Variants in CNTNAP2 observed in about 807,000 individuals in gnomAD.
CNTNAP2 encodes contactin associated protein 2.
In CNTNAP2, 98 loss-of-function variants were observed where a neutral mutation model predicts 155.2. The ratio of observed to expected loss-of-function variants is 0.63; its 90% confidence interval spans 0.54 to 0.75. The LOEUF (loss-of-function observed/expected upper bound fraction) is 0.75. CNTNAP2 is among the 30% of genes least tolerant of loss of function. CNTNAP2 has a pLI of 0.00. For synonymous variants in CNTNAP2, 651 were observed against 631.2 expected (o/e 1.03, Z -0.47); for missense variants, 1,727 against 1,688.1 (o/e 1.02, Z -0.40).
rs920890664 is a variant in CNTNAP2 at position 147,963,207 on chromosome 7, C to T, written c.2256-14655C>T. On this transcript the variant is annotated intron_variant, in intron 14 of 23. Transcript: ENST00000361727. ...ATTTTTTTTTGTTGGTCAAATGACTCAATCCAAAAAGTAGGATACATAGTA... is the reference window on the plus strand; with the variant it reads ...ATTTTTTTTTGTTGGTCAAATGACTTAATCCAAAAAGTAGGATACATAGTA... 3.3e-5 allele frequency among the ~76,000 whole-genome samples: 5 copies of T among 151,976 alleles called. No individual in the cohort carries two copies. The East Asian group carries it at 9.7e-4, about 29-fold the overall frequency.
At chr7:148,053,837 G>A (rs1370225953) in intron 15 of CNTNAP2, among the ~76,000 whole-genome samples, 1 of 152,052 alleles carries the variant, frequency 6.6e-6, no homozygotes, top group East Asian at 1.9e-4. Flanking sequence ...AAATAATGAA[G>A]GCTAAAATAC....
At chr7:147,799,578 A>G (rs542478773) in intron 13 of CNTNAP2, among the ~76,000 whole-genome samples, 26 of 152,354 alleles carry the variant, frequency 1.7e-4, no homozygotes, top group African/African-American at 6.3e-4. Flanking sequence ...TTTCCTGTTC[A>G]GTAGTTCCAA....
chr7:147,872,916 A>G (rs949177011), intron 13 of CNTNAP2, among the ~76,000 whole-genome samples: 1 of 152,244 alleles, frequency 6.6e-6, no homozygotes, highest in Non-Finnish European at 1.5e-5. Flanking sequence ...GAATGAAAAA[A>G]TAGTTCATGT....
At chr7:146,803,752 T>C (rs1004078902) in intron 2 of CNTNAP2, among the ~76,000 whole-genome samples, 15 of 152,352 alleles carry the variant, frequency 9.8e-5, no homozygotes, top group African/African-American at 3.4e-4. Flanking sequence ...TGTCCCTGCA[T>C]GCATGATACA....
At chr7:147,042,471 T>C (rs1182048303) in intron 3 of CNTNAP2, among the ~76,000 whole-genome samples, 2 of 152,202 alleles carry the variant, frequency 1.3e-5, no homozygotes, top group African/African-American at 4.8e-5. Context: ...GGATAACAGA[T>C]CTACTACAAA....
chr7:148,023,628 G>A (rs973913555), intron 15 of CNTNAP2, among the ~76,000 whole-genome samples: 2 of 152,074 alleles, frequency 1.3e-5, no homozygotes, highest in Non-Finnish European at 2.9e-5. Flanking sequence ...AGCTGCACCA[G>A]CTTCTTGAGT....
chr7:147,198,677 C>T (rs1382762218), intron 8 of CNTNAP2, among the ~76,000 whole-genome samples: 1 of 152,124 alleles, frequency 6.6e-6, no homozygotes. Context: ...ACTCAGATGC[C>T]TCCTAATCCT....
intron 1 of CNTNAP2, among the ~76,000 whole-genome samples, chr7:146,697,477 G>A (rs1266956208): frequency 6.6e-6 from 1 of 152,158 alleles, no homozygotes; most frequent in South Asian, 2.1e-4. Flanking sequence ...GACCTCAAGT[G>A]ATCTTCCCTT....
chr7:147,227,957 A>T (rs1803585905), intron 8 of CNTNAP2, among the ~76,000 whole-genome samples: 1 of 152,168 alleles, frequency 6.6e-6, no homozygotes, highest in Non-Finnish European at 1.5e-5. Context: ...TTGCACTCTA[A>T]TATTAATCGG....
chr7:147,151,700 T>G (rs1248211241), intron 8 of CNTNAP2, among the ~76,000 whole-genome samples: 1 of 152,150 alleles, frequency 6.6e-6, no homozygotes, highest in Non-Finnish European at 1.5e-5. Context: ...AAAAAAATCA[T>G]GTACACATAA....
At chr7:148,189,617 A>T (rs1795172436) in intron 18 of CNTNAP2, among the ~76,000 whole-genome samples, 1 of 152,060 alleles carries the variant, frequency 6.6e-6, no homozygotes, top group Non-Finnish European at 1.5e-5. Flanking sequence ...CTCTCACAAG[A>T]CGACATCCCC....
At chr7:147,910,287 AAAT>A (rs1342014407) in intron 14 of CNTNAP2, among the ~76,000 whole-genome samples, 2 of 152,174 alleles carry the variant, frequency 1.3e-5, no homozygotes, top group African/African-American at 4.8e-5. Context: ...CATGTTGTTT[AAAT>A]AATAGTAGTT....
chr7:146,404,136 A>C (rs1049886737), intron 1 of CNTNAP2, among the ~76,000 whole-genome samples: 3 of 150,850 alleles, frequency 2.0e-5, no homozygotes, highest in South Asian at 2.1e-4. Context: ...AAAAAAAAAA[A>C]AAAAAACAAA....
chr7:147,559,115 T>C (rs1417645095), intron 11 of CNTNAP2, among the ~76,000 whole-genome samples: 1 of 152,146 alleles, frequency 6.6e-6, no homozygotes, highest in Non-Finnish European at 1.5e-5. Context: ...GCTCCAAGCA[T>C]TCCTCCCACC....
rs143264014 is a variant in CNTNAP2 at position 146,693,941 on chromosome 7, C to T, written c.98-80330C>T. ...TGTTGTTCCCCTCCCTGTGCCCATG[C>T]GTTTTCATTGTTCAGCTCCTAATTT... On this transcript the variant is annotated intron_variant, in intron 1 of 23. Transcript: ENST00000361727. 8.6e-3 allele frequency among the ~76,000 whole-genome samples: 1,299 copies of T among 151,874 alleles called. 8 individuals carry two copies. Among genetic ancestry groups the T allele is most frequent in the Non-Finnish European group, 0.014 (966 of 67,950 alleles).
At chr7:146,803,766 T>C (rs1427142953) in intron 2 of CNTNAP2, among the ~76,000 whole-genome samples, 1 of 152,242 alleles carries the variant, frequency 6.6e-6, no homozygotes, top group Non-Finnish European at 1.5e-5. Context: ...TGATACAATA[T>C]TCAGATGTGT....
chr7:147,635,375 C>T (rs1270351825), intron 12 of CNTNAP2, among the ~76,000 whole-genome samples: 1 of 151,742 alleles, frequency 6.6e-6, no homozygotes, highest in African/African-American at 2.4e-5. Flanking sequence ...CCTCCTATCT[C>T]GGCTTCCCAA....
intron 1 of CNTNAP2, among the ~76,000 whole-genome samples, chr7:146,622,207 A>G (rs1393891169): frequency 6.6e-6 from 1 of 151,584 alleles, no homozygotes; most frequent in Non-Finnish European, 1.5e-5. Flanking sequence ...ATATACACAC[A>G]TATACACGTG....
At chr7:146,187,436 A>G (rs1046038974) in intron 1 of CNTNAP2, among the ~76,000 whole-genome samples, 1 of 152,214 alleles carries the variant, frequency 6.6e-6, no homozygotes, top group Non-Finnish European at 1.5e-5. Flanking sequence ...AGCCAAGGAT[A>G]TTCTACTCCA....
Sources: gnomAD v4.1 joint callset for allele counts (sites outside exome capture counted in the v4.1 genomes callset) on GRCh38, gnomAD v4.1.1 for gene constraint, MANE v1.5 for transcripts, NCBI Gene and HGNC (gene_info 2026-07-23, HGNC 2026-07-21) for gene names.